CTNNA2: variants seen among roughly 807,000 people sequenced by gnomAD.
CTNNA2 encodes catenin alpha 2, also known as catenin alpha-2.
Under a neutral mutation model 101.0 loss-of-function variants are expected in CTNNA2, and 42 were observed. The ratio of observed to expected loss-of-function variants is 0.42; its 90% CI spans 0.32 to 0.54. The LOEUF is 0.54. Among genes scored for constraint, CTNNA2 ranks in the 20% least tolerant of loss-of-function variants. The pLI, the probability that CTNNA2 is intolerant of heterozygous loss-of-function variation, is 0.14. For synonymous variants in CTNNA2, 450 were observed against 456.4 expected (o/e 0.99, Z 0.18); for missense variants, 871 against 1,223.1 (o/e 0.71, Z 4.29).
intron 1 of CTNNA2, among the ~76,000 whole-genome samples, chr2:79,632,980 A>G (rs538706163): frequency 6.6e-6 from 1 of 152,352 alleles, no homozygotes; most frequent in East Asian, 1.9e-4. Context: ...CTATATTTAC[A>G]AAAGCAAGTG....
intron 7 of CTNNA2, among the ~76,000 whole-genome samples, chr2:80,286,075 G>T (rs1401631487): frequency 2.0e-5 from 3 of 152,114 alleles, no homozygotes. Context: ...ATGGTGCTCT[G>T]ATCTTCAGGC....
chr2:80,445,037 C>T (rs578109986), intron 9 of CTNNA2, among the ~76,000 whole-genome samples: 1 of 152,238 alleles, frequency 6.6e-6, no homozygotes, highest in African/African-American at 2.4e-5. Context: ...CTCTTAAGTT[C>T]ACAATTTGAG....
At chr2:80,052,962 T>G (rs1696976468) in intron 7 of CTNNA2, among the ~76,000 whole-genome samples, 1 of 152,234 alleles carries the variant, frequency 6.6e-6, no homozygotes, top group African/African-American at 2.4e-5. Flanking sequence ...TTATATCTTT[T>G]TCTTTTTTGT....
chr2:79,929,564 C>T (rs1018969447), intron 7 of CTNNA2, among the ~76,000 whole-genome samples: 20 of 152,302 alleles, frequency 1.3e-4, no homozygotes, highest in Middle Eastern at 3.4e-3. Context: ...AATGCTGTAA[C>T]TAGAAATTAA....
At chr2:79,365,474 A>T (rs1280485206) in intron 3 of CTNNA2, among the ~76,000 whole-genome samples, 3 of 151,462 alleles carry the variant, frequency 2.0e-5, no homozygotes, top group African/African-American at 4.8e-5. Context: ...TTTTTTTTTT[A>T]AATTAGCCAG....
chr2:79,521,577 G>A (rs928047201), intron 1 of CTNNA2, among the ~76,000 whole-genome samples: 1 of 152,118 alleles, frequency 6.6e-6, no homozygotes, highest in East Asian at 1.9e-4. Flanking sequence ...ACTATGTATG[G>A]GATTAGCCTT....
At chr2:79,999,381 A>G (rs1328587437) in intron 7 of CTNNA2, among the ~76,000 whole-genome samples, 1 of 152,154 alleles carries the variant, frequency 6.6e-6, no homozygotes, top group East Asian at 1.9e-4. Context: ...CTCCTATACT[A>G]AAGCCTCAAA....
chr2:79,555,249 A>G (rs978452099), intron 1 of CTNNA2, among the ~76,000 whole-genome samples: 3 of 152,180 alleles, frequency 2.0e-5, no homozygotes, highest in Non-Finnish European at 4.4e-5. Context: ...CAAAATGTGA[A>G]AATTATTGAA....
intron 7 of CTNNA2, among the ~76,000 whole-genome samples, chr2:79,921,865 C>G (rs1287008791): frequency 6.6e-6 from 1 of 152,098 alleles, no homozygotes; most frequent in African/African-American, 2.4e-5. Flanking sequence ...GCATTTTGCC[C>G]GACTGCTCCT....
At chr2:80,476,065 T>C (rs902449006) in intron 9 of CTNNA2, among the ~76,000 whole-genome samples, 36 of 152,150 alleles carry the variant, frequency 2.4e-4, no homozygotes, top group African/African-American at 8.4e-4. Flanking sequence ...TTGTCACTTA[T>C]CTCTTTATTT....
chr2:79,768,916 G>A (rs1387644704), intron 3 of CTNNA2, among the ~76,000 whole-genome samples: 5 of 152,024 alleles, frequency 3.3e-5, no homozygotes, highest in Non-Finnish European at 5.9e-5. Flanking sequence ...GTGCAGTGGC[G>A]CCATCTCGGC....
At chr2:79,457,542 A>G (rs1670839101) in intron 4 of CTNNA2, among the ~76,000 whole-genome samples, 1 of 152,224 alleles carries the variant, frequency 6.6e-6, no homozygotes, top group South Asian at 2.1e-4. Context: ...CTTTATGAGC[A>G]TTTGAACCAC....
At chr2:79,228,397 G>T (rs562684315) in intron 2 of CTNNA2, among the ~76,000 whole-genome samples, 2 of 152,104 alleles carry the variant, frequency 1.3e-5, no homozygotes, top group African/African-American at 2.4e-5. Context: ...CCTTCTCTCC[G>T]CAGCCTTGCC....
chr2:80,609,984 A>T (rs114399159), intron 17 of CTNNA2, among the ~76,000 whole-genome samples: 128 of 151,788 alleles, frequency 8.4e-4, no homozygotes, highest in African/African-American at 2.7e-3. Context: ...GAGGTGTTTG[A>T]GATTGGGAAC....
chr2:80,192,843 C>T (rs1223155238), intron 7 of CTNNA2, among the ~76,000 whole-genome samples: 6 of 152,212 alleles, frequency 3.9e-5, no homozygotes, highest in African/African-American at 1.4e-4. Flanking sequence ...AAGAATCCAA[C>T]TCTTTGTTAC....
chr2:79,900,044 C>T (rs987717691), intron 6 of CTNNA2, among the ~76,000 whole-genome samples: 1 of 152,120 alleles, frequency 6.6e-6, no homozygotes, highest in Non-Finnish European at 1.5e-5. Flanking sequence ...TTAGACACCT[C>T]GGTTAATTTA....
intron 7 of CTNNA2, among the ~76,000 whole-genome samples, chr2:80,273,166 T>A (rs1296492132): frequency 2.0e-5 from 3 of 152,174 alleles, no homozygotes; most frequent in African/African-American, 7.2e-5. Flanking sequence ...ATTTTTAAAA[T>A]TTTTAACCAT....
At chr2:79,262,590 G>A (rs1674937348) in intron 2 of CTNNA2, among the ~76,000 whole-genome samples, 1 of 151,990 alleles carries the variant, frequency 6.6e-6, no homozygotes, top group African/African-American at 2.4e-5. Flanking sequence ...GGCTCCCAAA[G>A]TATGTGTCTC....
chr2:80,067,028 TA>T (rs1024657849), intron 7 of CTNNA2, among the ~76,000 whole-genome samples: 1 of 152,028 alleles, frequency 6.6e-6, no homozygotes. Context: ...ATGTGAAATC[TA>T]AAAAAATAGA....
Sources: allele counts gnomAD v4.1 joint callset (sites outside exome capture counted in the v4.1 genomes callset), GRCh38; gene constraint gnomAD v4.1.1; transcripts MANE v1.5; gene names NCBI Gene and HGNC (gene_info 2026-07-23, HGNC 2026-07-21).